The following RS1 variants were observed in gnomAD, a reference collection of about 807,000 sequenced individuals.
RS1 encodes retinoschisin 1, also known as retinoschisin.
A neutral mutation model predicts 20.8 loss-of-function variants in RS1; 2 were observed. That is an observed-to-expected ratio of 0.10 (90% CI 0.04 to 0.30). The LOEUF (loss-of-function observed/expected upper bound fraction) is 0.30. Ranked by LOEUF, RS1 falls within the 10% of genes least tolerant of loss-of-function variation. The pLI, the probability that RS1 is intolerant of heterozygous loss-of-function variation, is 1.00. For missense variants in RS1, 151 were observed against 189.8 expected (o/e 0.80, Z 1.20); for synonymous variants, 70 against 75.8 (o/e 0.92, Z 0.40).
At chrX:18,646,017 T>C in intron 4 of RS1, 2 of 1,211,708 alleles carry the variant, frequency 1.7e-6, no homozygotes, top group Non-Finnish European at 2.2e-6. Context: ...ACGGTGGATG[T>C]GATGGCAGAA....
intron 2 of RS1, 44 bp from the exon 3 acceptor site, chrX:18,656,802 G>A: frequency 9.2e-7 from 1 of 1,083,406 alleles, no homozygotes; most frequent in Non-Finnish European, 1.3e-6. Context: ...CACGGTCAAA[G>A]GCAACTGTGG....
chrX:18,669,430 G>A (rs1356735300), intron 1 of RS1, among the ~76,000 whole-genome samples: 1 of 100,376 alleles, frequency 1.0e-5, no homozygotes, highest in Admixed American at 1.2e-4. Context: ...GATGGAGGTT[G>A]TGGTGAGCCG....
At chrX:18,652,476 C>T (rs780677742) in intron 3 of RS1, among the ~76,000 whole-genome samples, 1 of 111,830 alleles carries the variant, frequency 8.9e-6, no homozygotes, top group Non-Finnish European at 1.9e-5. Context: ...CGAGACCAGC[C>T]TGGCCAACAC....
At chrX:18,671,754 T>G (rs113276410) in intron 1 of RS1, among the ~76,000 whole-genome samples, 1 of 111,958 alleles carries the variant, frequency 8.9e-6, no homozygotes, top group African/African-American at 3.2e-5. Context: ...TGTTGCAACT[T>G]ATGGCTATTT....
chrX:18,670,351 C>T (rs1238548894), intron 1 of RS1, among the ~76,000 whole-genome samples: 1 of 108,872 alleles, frequency 9.2e-6, no homozygotes, highest in African/African-American at 3.4e-5. Context: ...TCAGCCTCCC[C>T]CGAGTAGCTG....
chrX:18,646,653 C>T (rs79120848), intron 4 of RS1, among the ~76,000 whole-genome samples: 1,370 of 111,481 alleles, frequency 0.012, 21 homozygotes, highest in African/African-American at 0.042. Flanking sequence ...CTTGCCTCTC[C>T]ACCTTGTCTC....
intron 1 of RS1, among the ~76,000 whole-genome samples, chrX:18,660,420 G>T (rs1165398061): frequency 1.8e-5 from 2 of 110,888 alleles, no homozygotes; most frequent in Non-Finnish European, 1.9e-5. Flanking sequence ...TATTGCTCAG[G>T]CTGGTTTTGA....
At chrX:18,652,376 A>G (rs1230815357) in intron 3 of RS1, among the ~76,000 whole-genome samples, 2 of 112,494 alleles carry the variant, frequency 1.8e-5, no homozygotes, top group African/African-American at 6.5e-5. Flanking sequence ...GAAAGAATTA[A>G]GGGGATCCAA....
chrX:18,643,158 A>G (rs949403536), intron 5 of RS1, among the ~76,000 whole-genome samples: 3 of 111,193 alleles, frequency 2.7e-5, no homozygotes, highest in Non-Finnish European at 5.7e-5. Context: ...TAACATAAAA[A>G]CATGCTGTGG....
intron 1 of RS1, among the ~76,000 whole-genome samples, chrX:18,660,558 T>TA (rs1165618068): frequency 1.8e-5 from 2 of 111,583 alleles, no homozygotes; most frequent in African/African-American, 6.5e-5. Context: ...TTTCTGATGA[T>TA]AAAAAAATTT....
rs1289647661 is a variant in RS1, at chrX:18,640,903, C to T, written c.*1101G>A. 1 of 112,956 alleles carries T rather than the reference C, an allele frequency of 8.9e-6. No individual in the cohort carries two copies. The highest frequency in any genetic ancestry group is 1.9e-5 in the Non-Finnish European group (1 of 53,310). 9.3% of individuals were successfully genotyped at this position (112,956 alleles called of 1,213,427 possible). On this transcript the variant is annotated 3_prime_UTR_variant, in exon 6 of 6. Transcript: ENST00000379984. ...GCCAATGAGGCCTCCCAATCTAAGG[C>T]GCCGCCTCCAGGAACGGAAAGCCAG...
chrX:18,647,086 T>C, intron 4 of RS1, 105 bp downstream of exon 4: 1 of 962,841 alleles, frequency 1.0e-6, no homozygotes, highest in Admixed American at 2.3e-5. Flanking sequence ...CAGTTAATTT[T>C]TTGTATTTTT....
chrX:18,641,215 T>C lies in RS1; in HGVS notation c.*789A>G, dbSNP rs1399430621. On this transcript the variant is annotated 3_prime_UTR_variant, in exon 6 of 6. Coordinates refer to ENST00000379984, the MANE Select transcript of RS1 (RefSeq NM_000330.4). ...TGTGGTCATTTGGGGTCCCTACATA[T>C]ACTGAGATGTGCAGCCTGTCCTGTA... 1 of 111,863 alleles carries C rather than the reference T, an allele frequency of 8.9e-6. No homozygotes were observed. The highest frequency in any genetic ancestry group is 1.9e-5 in the Non-Finnish European group (1 of 53,243). The allele number at this position is 111,863 out of a possible 1,213,427, so 9.2% of individuals were successfully genotyped here.
At chrX:18,644,706 G>T in intron 4 of RS1, 81 bp from the exon 5 acceptor site, 1 of 1,014,396 alleles carries the variant, frequency 9.9e-7, no homozygotes, top group Non-Finnish European at 1.4e-6. Flanking sequence ...CTCTCGAGGG[G>T]ATGCCAGCAT....
chrX:18,646,006 G>C (rs866167356), intron 4 of RS1: 2 of 1,211,656 alleles, frequency 1.7e-6, no homozygotes, highest in Middle Eastern at 4.6e-4. Context: ...CCACTAACTA[G>C]ACGGTGGATG....
At chrX:18,653,762 G>A (rs973527075) in intron 3 of RS1, 24 of 411,768 alleles carry the variant, frequency 5.8e-5, no homozygotes, top group African/African-American at 5.6e-4. Context: ...GAGCTCAGGA[G>A]TTCGAGACCA....
intron 3 of RS1, 143 bp downstream of exon 3, chrX:18,656,510 T>C (rs766735384): frequency 1.8e-6 from 1 of 554,017 alleles, no homozygotes; most frequent in Non-Finnish European, 3.2e-6. Flanking sequence ...TAATAAATAG[T>C]AATAAATACA....
intron 1 of RS1, among the ~76,000 whole-genome samples, chrX:18,663,735 C>T (rs772093205): frequency 8.1e-5 from 9 of 111,732 alleles, no homozygotes; most frequent in Non-Finnish European, 1.7e-4. Context: ...TCCCATCTTC[C>T]TTTAGCTTCC....
intron 3 of RS1, among the ~76,000 whole-genome samples, chrX:18,656,122 G>T (rs751080236): frequency 9.4e-6 from 1 of 106,062 alleles, no homozygotes; most frequent in South Asian, 4.3e-4. Flanking sequence ...CTCCTGAATA[G>T]CTGGGACCAC....
Sources: gnomAD v4.1 joint callset for allele counts (sites outside exome capture counted in the v4.1 genomes callset) on GRCh38, gnomAD v4.1.1 for gene constraint, MANE v1.5 for transcripts, NCBI Gene and HGNC (gene_info 2026-07-23, HGNC 2026-07-21) for gene names.